RABGAP1L: variants seen among roughly 807,000 people sequenced by gnomAD.
The protein encoded by RABGAP1L is rab GTPase-activating protein 1-like.
In RABGAP1L, 63 loss-of-function variants were observed where a neutral mutation model predicts 137.7. The observed-to-expected ratio is 0.46, with a 90% CI of 0.37 to 0.56. The LOEUF (loss-of-function observed/expected upper bound fraction) is 0.56, where lower values mean the gene tolerates loss of function less well. RABGAP1L is among the 20% of genes least tolerant of loss of function. The pLI is 0.00. For synonymous variants in RABGAP1L, 431 were observed against 433.7 expected (o/e 0.99, Z 0.08); for missense variants, 1,095 against 1,244.0 (o/e 0.88, Z 1.80).
rs1485682925 is a variant in RABGAP1L at position 174,828,040 on chromosome 1, A to G, written c.2340+16080A>G. ...GACACAGGTACTTAGTTTACTTTCT[A>G]GAATTATTTACATAAAAACTTTTGT... On this transcript the variant is annotated intron_variant, in intron 19 of 25. Transcript: ENST00000681986. Among the ~76,000 whole-genome samples, 8 of 148,460 alleles carry G rather than the reference A, an allele frequency of 5.4e-5. 1 individual carries two copies. The highest frequency in any genetic ancestry group is 4.4e-4 in the South Asian group (2 of 4,536).
chr1:174,448,483 A>G lies in RABGAP1L; in HGVS notation c.1710+54338A>G. On this transcript the variant is annotated intron_variant, in intron 13 of 25. Coordinates refer to ENST00000681986, the MANE Select transcript of RABGAP1L (RefSeq NM_001366446.1). The surrounding 1 kb of genome is among the most constrained non-coding windows in gnomAD (Gnocchi z 4.2). ...TTTTTGGATATATCATCTCAGTTCTAAAAAGTGTTTCTATGGCATGTCTTG... is the reference window on the plus strand; with the variant it reads ...TTTTTGGATATATCATCTCAGTTCTGAAAAGTGTTTCTATGGCATGTCTTG... The G allele has an allele frequency of 6.2e-7, 1 of 1,613,722 alleles. No homozygotes were observed. Among genetic ancestry groups the G allele is most frequent in the Non-Finnish European group, 8.5e-7 (1 of 1,179,686 alleles).
At chr1:174,949,522 G>C (rs1002586221) in intron 19 of RABGAP1L, among the ~76,000 whole-genome samples, 4 of 152,186 alleles carry the variant, frequency 2.6e-5, no homozygotes, top group African/African-American at 9.7e-5. Flanking sequence ...TGAGCTTCTG[G>C]ATGGAAGATG....
chr1:174,395,095 G>A (rs1214055677), intron 13 of RABGAP1L, among the ~76,000 whole-genome samples: 1 of 151,910 alleles, frequency 6.6e-6, no homozygotes, highest in Non-Finnish European at 1.5e-5. Context: ...ATACTAAGCT[G>A]TACTAATATT....
At chr1:174,459,795 A>C (rs1207215573) in intron 13 of RABGAP1L, among the ~76,000 whole-genome samples, 1 of 152,078 alleles carries the variant, frequency 6.6e-6, no homozygotes, top group Non-Finnish European at 1.5e-5. Flanking sequence ...GTACTGTTTA[A>C]AGTCACTGAG....
chr1:174,823,182 G>A (rs568612240), intron 19 of RABGAP1L, among the ~76,000 whole-genome samples: 63 of 151,888 alleles, frequency 4.1e-4, no homozygotes, highest in African/African-American at 5.8e-4. Context: ...CCTAATTCAC[G>A]CCCAGCAGTC....
At chr1:174,838,912 C>A in intron 19 of RABGAP1L, among the ~76,000 whole-genome samples, 1 of 54,950 alleles carries the variant, frequency 1.8e-5, no homozygotes, top group Non-Finnish European at 3.6e-5. Flanking sequence ...AGCGAGACTC[C>A]GTCTCAAAAA....
chr1:174,864,298 C>T (rs1418638260), intron 19 of RABGAP1L, among the ~76,000 whole-genome samples: 2 of 152,182 alleles, frequency 1.3e-5, no homozygotes, highest in African/African-American at 4.8e-5. Flanking sequence ...CCCACTATGA[C>T]ATATAAAGCT....
At chr1:174,970,225 G>A (rs1174095631) in intron 21 of RABGAP1L, among the ~76,000 whole-genome samples, 12 of 152,252 alleles carry the variant, frequency 7.9e-5, no homozygotes, top group Non-Finnish European at 1.3e-4. Context: ...GAAGGTAGCC[G>A]GATCTCCATT....
intron 13 of RABGAP1L, among the ~76,000 whole-genome samples, chr1:174,540,556 T>C (rs1438449546): frequency 6.6e-6 from 1 of 152,226 alleles, no homozygotes; most frequent in Admixed American, 6.5e-5. Flanking sequence ...AGGGAATCCT[T>C]TCCCCATTTC....
intron 13 of RABGAP1L, among the ~76,000 whole-genome samples, chr1:174,430,801 A>G (rs983020872): frequency 4.6e-5 from 7 of 152,194 alleles, no homozygotes; most frequent in Non-Finnish European, 1.0e-4. Flanking sequence ...AATTAAACTC[A>G]TGATTAAGAT....
At chr1:174,252,737 T>G in intron 7 of RABGAP1L, 147 bp downstream of exon 7, 8 of 1,254,364 alleles carry the variant, frequency 6.4e-6, no homozygotes, top group Non-Finnish European at 8.1e-6. Flanking sequence ...TACTTTAACT[T>G]AGATGTAACT....
At chr1:174,424,156 G>A (rs1241251261) in intron 13 of RABGAP1L, among the ~76,000 whole-genome samples, 1 of 151,994 alleles carries the variant, frequency 6.6e-6, no homozygotes, top group Non-Finnish European at 1.5e-5. Flanking sequence ...CTAGCATATA[G>A]GATATATCTT....
At chr1:174,269,053 T>C (rs777380799) in intron 7 of RABGAP1L, among the ~76,000 whole-genome samples, 2 of 152,010 alleles carry the variant, frequency 1.3e-5, no homozygotes, top group African/African-American at 2.4e-5. Flanking sequence ...CGCCATTCTC[T>C]CGTCTAAGCC....
chr1:174,940,362 G>A (rs1665664418), intron 19 of RABGAP1L, among the ~76,000 whole-genome samples: 1 of 151,010 alleles, frequency 6.6e-6, no homozygotes, highest in Non-Finnish European at 1.5e-5. Flanking sequence ...TCAAACTTAT[G>A]GGCTTAAGGG....
intron 9 of RABGAP1L, among the ~76,000 whole-genome samples, chr1:174,276,814 G>A (rs905850643): frequency 1.3e-5 from 2 of 151,852 alleles, no homozygotes; most frequent in Non-Finnish European, 2.9e-5. Context: ...TTGTTCCATT[G>A]TGTTTTTTCA....
intron 13 of RABGAP1L, among the ~76,000 whole-genome samples, chr1:174,431,871 T>C (rs1023327303): frequency 1.3e-5 from 2 of 152,168 alleles, no homozygotes; most frequent in African/African-American, 2.4e-5. Context: ...AGATAATACA[T>C]CTTTTAAGAA....
chr1:174,679,814 A>G (rs544652574), intron 14 of RABGAP1L, among the ~76,000 whole-genome samples: 70 of 152,362 alleles, frequency 4.6e-4, no homozygotes, highest in African/African-American at 1.6e-3. Flanking sequence ...ATTTCTGGGA[A>G]GACAGTAAAT....
At chr1:174,808,019 C>T (rs1021926845) in intron 18 of RABGAP1L, among the ~76,000 whole-genome samples, 17 of 147,700 alleles carry the variant, frequency 1.2e-4, no homozygotes, top group Non-Finnish European at 2.2e-4. Context: ...CACTGTATTG[C>T]CCAGGCTGGA....
chr1:174,177,794 T>C (rs538860491), intron 1 of RABGAP1L, among the ~76,000 whole-genome samples: 77 of 152,324 alleles, frequency 5.1e-4, no homozygotes, highest in African/African-American at 7.9e-4. Flanking sequence ...TGGTTGTAGA[T>C]GTGTGGTGTT....
Sources: gnomAD v4.1 joint callset for allele counts (sites outside exome capture counted in the v4.1 genomes callset) on GRCh38, gnomAD v4.1.1 for gene constraint, Gnocchi (gnomAD v3.1) non-coding constraint, MANE v1.5 for transcripts, NCBI Gene and HGNC (gene_info 2026-07-23, HGNC 2026-07-21) for gene names.